The following PDE7B variants were observed in gnomAD, a reference collection of about 807,000 sequenced individuals.
PDE7B encodes 3',5'-cyclic-AMP phosphodiesterase 7B.
Under a neutral mutation model 56.2 loss-of-function variants are expected in PDE7B, and 29 were observed. That is an observed-to-expected ratio of 0.52 (90% confidence interval 0.38 to 0.70). The LOEUF is 0.70. Among genes scored for constraint, PDE7B ranks in the 30% least tolerant of loss-of-function variants. The pLI is 0.00. For synonymous variants in PDE7B, 197 were observed against 196.9 expected (o/e 1.00, Z 0.00); for missense variants, 490 against 565.0 (o/e 0.87, Z 1.35).
intron 3 of PDE7B, among the ~76,000 whole-genome samples, chr6:136,135,067 G>A (rs150760237): frequency 6.6e-6 from 1 of 152,080 alleles, no homozygotes; most frequent in Non-Finnish European, 1.5e-5. Context: ...TGGTGGCAAT[G>A]TTGAAACAAA....
intron 3 of PDE7B, among the ~76,000 whole-genome samples, chr6:136,143,493 A>T (rs1283885153): frequency 1.3e-5 from 2 of 152,098 alleles, no homozygotes; most frequent in Non-Finnish European, 2.9e-5. Flanking sequence ...TATTTTTAAA[A>T]ATCAAAATTA....
intron 1 of PDE7B, among the ~76,000 whole-genome samples, chr6:135,899,705 T>C (rs1355688869): frequency 6.6e-6 from 1 of 152,002 alleles, no homozygotes; most frequent in Non-Finnish European, 1.5e-5. Context: ...ATATAATAAT[T>C]TATTTTTGGA....
intron 3 of PDE7B, among the ~76,000 whole-genome samples, chr6:136,126,759 G>A (rs973210991): frequency 1.2e-4 from 18 of 152,100 alleles, no homozygotes; most frequent in Admixed American, 1.1e-3. Context: ...CTATGAGGAT[G>A]CAAAGGCGTA....
intron 2 of PDE7B, among the ~76,000 whole-genome samples, chr6:136,016,211 T>C (rs1775974239): frequency 6.6e-6 from 1 of 152,156 alleles, no homozygotes; most frequent in Admixed American, 6.5e-5. Context: ...ATAAGGATAA[T>C]AGGTCCTATT....
intron 2 of PDE7B, among the ~76,000 whole-genome samples, chr6:135,998,871 GAGAA>G (rs1201615527): frequency 1.3e-5 from 2 of 152,172 alleles, no homozygotes; most frequent in African/African-American, 2.4e-5. Flanking sequence ...GAAAGAAAAA[GAGAA>G]AGAGAGAGGA....
intron 2 of PDE7B, among the ~76,000 whole-genome samples, chr6:136,004,954 T>C (rs1775749913): frequency 1.3e-5 from 2 of 152,144 alleles, no homozygotes; most frequent in South Asian, 2.1e-4. Flanking sequence ...CTTCAAACTA[T>C]ACTACAAGGC....
At chr6:136,141,092 A>G (rs993813988) in intron 3 of PDE7B, among the ~76,000 whole-genome samples, 4 of 152,034 alleles carry the variant, frequency 2.6e-5, no homozygotes, top group Non-Finnish European at 5.9e-5. Context: ...GTATGATATT[A>G]GCTGTGGGTT....
chr6:135,912,302 A>C (rs913219813), intron 1 of PDE7B, among the ~76,000 whole-genome samples: 33 of 152,346 alleles, frequency 2.2e-4, no homozygotes, highest in African/African-American at 7.0e-4. Flanking sequence ...AAAATACAAC[A>C]ATAAAAAAAT....
intron 2 of PDE7B, among the ~76,000 whole-genome samples, chr6:136,010,883 G>T (rs560487874): frequency 2.6e-5 from 4 of 152,216 alleles, no homozygotes; most frequent in Non-Finnish European, 4.4e-5. Flanking sequence ...GAGTTCTGAT[G>T]GGCTGTTGAA....
intron 1 of PDE7B, among the ~76,000 whole-genome samples, chr6:135,945,001 T>C (rs979997026): frequency 5.9e-5 from 9 of 152,206 alleles, no homozygotes; most frequent in African/African-American, 2.2e-4. Flanking sequence ...TAGCACTTTG[T>C]TTTGCCTAGA....
chr6:136,096,639 TTTA>T (rs1408922251), intron 2 of PDE7B, among the ~76,000 whole-genome samples: 36 of 151,914 alleles, frequency 2.4e-4, no homozygotes, highest in South Asian at 1.2e-3. Flanking sequence ...CAAATTATAT[TTTA>T]TTATTAATAA....
At chr6:136,124,902 A>G (rs1375963913) in intron 3 of PDE7B, among the ~76,000 whole-genome samples, 2 of 152,230 alleles carry the variant, frequency 1.3e-5, no homozygotes, top group Admixed American at 1.3e-4. Context: ...AGCAAACAGC[A>G]TATTTGTGAA....
intron 1 of PDE7B, among the ~76,000 whole-genome samples, chr6:135,882,665 T>C (rs1775631048): frequency 6.6e-6 from 1 of 152,216 alleles, no homozygotes; most frequent in Non-Finnish European, 1.5e-5. Flanking sequence ...TGATAGTGTC[T>C]ATGCAGTTTT....
intron 2 of PDE7B, among the ~76,000 whole-genome samples, chr6:136,009,831 G>A (rs984210563): frequency 3.6e-4 from 54 of 151,844 alleles, no homozygotes; most frequent in Non-Finnish European, 3.8e-4. Flanking sequence ...GTGTTTATTT[G>A]TGTCATCTCT....
In PDE7B at chr6:136,173,779, T is replaced by C; in HGVS notation, c.712-18T>C. The C allele has an allele frequency of 6.5e-7, 1 of 1,533,106 alleles. No homozygotes were observed. Among genetic ancestry groups the C allele is most frequent in the Non-Finnish European group, 9.0e-7 (1 of 1,107,940 alleles). The allele number at this position is 1,533,106 out of a possible 1,614,324, so 95.0% of individuals were successfully genotyped here. A position where few individuals can be genotyped will look rare whatever the true frequency, so the allele number is the denominator to read the frequency against. On this transcript the variant is annotated intron_variant, in intron 8 of 12. Transcript: ENST00000308191. ...TGGCTTCCCTCTCATTTATAACTCT[T>C]ATTTTCTTTCTTTCTAGAATATGTC...
intron 3 of PDE7B, among the ~76,000 whole-genome samples, chr6:136,147,116 T>C (rs929569069): frequency 3.3e-5 from 5 of 151,766 alleles, no homozygotes; most frequent in African/African-American, 1.2e-4. Context: ...CACTCCAGAC[T>C]GGATGACAGT....
intron 1 of PDE7B, among the ~76,000 whole-genome samples, chr6:135,928,057 G>A (rs2128196496): frequency 6.6e-6 from 1 of 152,134 alleles, no homozygotes; most frequent in South Asian, 2.1e-4. Context: ...GTAATCATTA[G>A]AGAAATGCAA....
intron 2 of PDE7B, among the ~76,000 whole-genome samples, chr6:135,981,616 A>T (rs1408842034): frequency 6.7e-6 from 1 of 150,294 alleles, no homozygotes; most frequent in Non-Finnish European, 1.5e-5. Flanking sequence ...GGTCAAGATG[A>T]TCAATATCAC....
chr6:136,009,943 T>G (rs1042158015), intron 2 of PDE7B, among the ~76,000 whole-genome samples: 25 of 152,178 alleles, frequency 1.6e-4, no homozygotes, highest in Admixed American at 3.3e-4. Context: ...ATTCCTTGAC[T>G]ACTTTCAGCT....
Sources: allele counts gnomAD v4.1 joint callset (sites outside exome capture counted in the v4.1 genomes callset), GRCh38; gene constraint gnomAD v4.1.1; transcripts MANE v1.5; gene names NCBI Gene and HGNC (gene_info 2026-07-23, HGNC 2026-07-21).